The following APMAP variants were observed in gnomAD, a reference collection of about 807,000 sequenced individuals.
APMAP encodes the protein adipocyte plasma membrane-associated protein.
A neutral mutation model predicts 43.6 loss-of-function variants in APMAP; 33 were observed. The observed-to-expected ratio is 0.76, with a 90% CI of 0.57 to 1.01. The LOEUF (loss-of-function observed/expected upper bound fraction) is 1.01. Ranked by LOEUF, APMAP falls within the 50% of genes least tolerant of loss-of-function variation. The probability of loss-of-function intolerance (pLI) is 0.00; values close to 1 mark genes in which losing one functional copy is unlikely to be tolerated. For synonymous variants in APMAP, 224 were observed against 216.7 expected (o/e 1.03, Z -0.30); for missense variants, 498 against 540.7 (o/e 0.92, Z 0.78).
At chr20:24,985,661 A>G (rs1280393155) in intron 1 of APMAP, among the ~76,000 whole-genome samples, 2 of 152,216 alleles carry the variant, frequency 1.3e-5, no homozygotes, top group African/African-American at 2.4e-5. Context: ...GCTGTAACAG[A>G]TATCTAAAAA....
intron 2 of APMAP, among the ~76,000 whole-genome samples, chr20:24,981,809 G>A (rs1446370235): frequency 1.3e-5 from 2 of 152,096 alleles, no homozygotes; most frequent in African/African-American, 2.4e-5. Flanking sequence ...TTTTTTCAGT[G>A]ACTAGAAACA....
In APMAP at chr20:24,971,460, G is replaced by A. The variant is rs201595930; in HGVS notation, c.538C>T (p.Arg180Cys). Residue 180 changes from arginine (R) to cysteine (C), a missense_variant and splice_region_variant, in exon 5 of 9, where the codon CGT becomes TGT. Arg to Cys is a radical substitution (Grantham distance 180). Coordinates refer to ENST00000217456, the MANE Select transcript of APMAP (RefSeq NM_020531.3). ...KGLFEVNPWK[R>C]EVKLLLSSET... ...AAGGAAACGAGATATTGTCACATAC[G>A]TTTCCAGGGATTTACTTCAAATAGT... The A allele has an allele frequency of 8.4e-5, 135 of 1,610,598 alleles. 1 individual carries two copies. In the Admixed American group the frequency reaches 9.7e-4, roughly 12 times the overall value.
chr20:24,966,633 A>G (rs145786778), intron 8 of APMAP, among the ~76,000 whole-genome samples: 1 of 152,356 alleles, frequency 6.6e-6, no homozygotes, highest in Non-Finnish European at 1.5e-5. Flanking sequence ...GTACGCTTTC[A>G]AAGGATCAAG....
intron 1 of APMAP, among the ~76,000 whole-genome samples, chr20:24,988,587 G>C (rs993584803): frequency 1.3e-5 from 2 of 152,212 alleles, no homozygotes; most frequent in Non-Finnish European, 2.9e-5. Context: ...TGTTCCCAAA[G>C]GCAGCCAACT....
At chr20:24,966,492 C>T (rs905186228) in intron 8 of APMAP, among the ~76,000 whole-genome samples, 5 of 152,202 alleles carry the variant, frequency 3.3e-5, no homozygotes, top group African/African-American at 4.8e-5. Context: ...ACTGGTATCG[C>T]GCCCTCATGA....
At chr20:24,973,362 G>A (rs770694893) in intron 4 of APMAP, among the ~76,000 whole-genome samples, 14 of 152,150 alleles carry the variant, frequency 9.2e-5, no homozygotes, top group Non-Finnish European at 1.5e-4. Flanking sequence ...GGTAAACGGG[G>A]ACCCCAATAA....
At chr20:24,976,417 C>G (rs2122506635) in intron 3 of APMAP, among the ~76,000 whole-genome samples, 1 of 152,232 alleles carries the variant, frequency 6.6e-6, no homozygotes, top group East Asian at 1.9e-4. Flanking sequence ...AGAAGATATA[C>G]AGATGGCAGG....
chr20:24,983,839 G>A (rs1402520665), intron 2 of APMAP, 64 bp downstream of exon 2: 24 of 1,151,958 alleles, frequency 2.1e-5, no homozygotes, highest in Non-Finnish European at 3.0e-5. Flanking sequence ...CCTTTCCTTG[G>A]AAATTATTTC....
intron 8 of APMAP, among the ~76,000 whole-genome samples, chr20:24,967,614 T>C (rs775819112): frequency 1.3e-5 from 2 of 152,252 alleles, no homozygotes; most frequent in African/African-American, 2.4e-5. Context: ...CCACCACTCA[T>C]ACTACCCTAC....
intron 3 of APMAP, 78 bp from the exon 4 acceptor site, chr20:24,973,815 G>A (rs1020360171): frequency 3.1e-6 from 4 of 1,308,916 alleles, no homozygotes; most frequent in Admixed American, 3.6e-5. Context: ...CTACAAGAGG[G>A]CTTGTTTACA....
chr20:24,978,058 A>G (rs1263746859), intron 3 of APMAP, among the ~76,000 whole-genome samples: 2 of 152,198 alleles, frequency 1.3e-5, no homozygotes, highest in African/African-American at 2.4e-5. Context: ...ACAGCCACCC[A>G]CTGCCTGGAG....
chr20:24,970,758 T>C (rs1441179706), intron 5 of APMAP, among the ~76,000 whole-genome samples: 1 of 152,174 alleles, frequency 6.6e-6, no homozygotes, highest in African/African-American at 2.4e-5. Context: ...AGAAAGAACA[T>C]GGATTGAGTG....
At chr20:24,973,814 G>A in intron 3 of APMAP, 77 bp from the exon 4 acceptor site, 2 of 1,326,850 alleles carry the variant, frequency 1.5e-6, no homozygotes, top group Non-Finnish European at 2.1e-6. Flanking sequence ...CCTACAAGAG[G>A]GCTTGTTTAC....
intron 8 of APMAP, among the ~76,000 whole-genome samples, 200 bp from the exon 9 acceptor site, chr20:24,964,222 CCT>C (rs1442455891): frequency 1.3e-5 from 2 of 152,224 alleles, no homozygotes; most frequent in Admixed American, 6.5e-5. Context: ...CCACCCCACC[CCT>C]GTCCCTGTGA....
rs926690441 is a variant in APMAP at position 24,963,715 on chromosome 20, T to C, written c.*98A>G. 18 of 1,287,414 alleles carry C rather than the reference T, an allele frequency of 1.4e-5. No individual in the cohort carries two copies. The highest frequency in any genetic ancestry group is 2.3e-5 in the East Asian group (1 of 43,030). The allele number at this position is 1,287,414 out of a possible 1,614,324, so 79.7% of individuals were successfully genotyped here. A position where few individuals can be genotyped will look rare whatever the true frequency, so the allele number is the denominator to read the frequency against. ...GGGACTAACAGGTGCATGTGGACAC[T>C]TGAACCACGACTGTGTCCACAGCTC... On this transcript the variant is annotated 3_prime_UTR_variant, in exon 9 of 9. Coordinates refer to ENST00000217456, the MANE Select transcript of APMAP (RefSeq NM_020531.3).
At chr20:24,985,076 CT>C (rs2088136062) in intron 1 of APMAP, among the ~76,000 whole-genome samples, 1 of 152,150 alleles carries the variant, frequency 6.6e-6, no homozygotes. Context: ...GTGTTAAACT[CT>C]GTTCTGGGTA....
At chr20:24,980,216 G>A (rs1461975127) in intron 2 of APMAP, among the ~76,000 whole-genome samples, 2 of 152,260 alleles carry the variant, frequency 1.3e-5, no homozygotes, top group African/African-American at 4.8e-5. Flanking sequence ...CCAAAGTAGA[G>A]AGGAATATCT....
At chr20:24,972,174 CA>C (rs1356710567) in intron 4 of APMAP, among the ~76,000 whole-genome samples, 7 of 144,430 alleles carry the variant, frequency 4.8e-5, no homozygotes, top group Middle Eastern at 4.6e-3. Flanking sequence ...GTGCTCACTG[CA>C]GGTGCTTATT....
intron 8 of APMAP, among the ~76,000 whole-genome samples, chr20:24,967,087 C>A (rs192950618): frequency 6.6e-5 from 10 of 152,150 alleles, no homozygotes; most frequent in Admixed American, 6.5e-4. Context: ...TGAGGTCAGG[C>A]GTTCGAGACC....
Sources: gnomAD v4.1 joint callset for allele counts (sites outside exome capture counted in the v4.1 genomes callset) on GRCh38, gnomAD v4.1.1 for gene constraint, MANE v1.5 for transcripts, NCBI Gene and HGNC (gene_info 2026-07-23, HGNC 2026-07-21) for gene names.